The following MYCT1 variants were observed in gnomAD, a reference collection of about 807,000 sequenced individuals.
The protein encoded by MYCT1 is MYC target 1, also known as myc target protein 1.
A neutral mutation model predicts 15.0 loss-of-function variants in MYCT1; 12 were observed. The ratio of observed to expected loss-of-function variants is 0.80; its 90% confidence interval spans 0.51 to 1.29. The LOEUF is 1.29. Among genes scored for constraint, MYCT1 ranks in the 50% most tolerant of loss-of-function variants. The pLI, the probability that MYCT1 is intolerant of heterozygous loss-of-function variation, is 0.00. For synonymous variants in MYCT1, 104 were observed against 102.7 expected (o/e 1.01, Z -0.07); for missense variants, 287 against 279.1 (o/e 1.03, Z -0.20).
chr6:152,739,305 T>C, the MYCT1 span, among the ~76,000 whole-genome samples: 1 of 151,816 alleles, frequency 6.6e-6, no homozygotes, highest in African/African-American at 2.4e-5. Flanking sequence ...TAGTATACCT[T>C]TTCACAATTA....
chr6:152,706,236 G>C (rs1209391075), intron 1 of MYCT1: 2 of 730,408 alleles, frequency 2.7e-6, no homozygotes, highest in African/African-American at 3.5e-5. Context: ...TGAAGGAAAG[G>C]CTGGCTGATG....
the MYCT1 span, among the ~76,000 whole-genome samples, chr6:152,736,067 TA>T: frequency 2.6e-5 from 4 of 152,108 alleles, no homozygotes; most frequent in Admixed American, 1.3e-4. Context: ...AGGTTAGTGC[TA>T]AAAACCAGAG....
chr6:152,731,152 A>G, the MYCT1 span, among the ~76,000 whole-genome samples: 1 of 152,292 alleles, frequency 6.6e-6, no homozygotes, highest in South Asian at 2.1e-4. Flanking sequence ...AATCTTGCCT[A>G]AAGTGAAGTG....
intron 1 of MYCT1, among the ~76,000 whole-genome samples, chr6:152,720,802 C>T (rs976649154): frequency 7.9e-5 from 12 of 151,998 alleles, no homozygotes; most frequent in African/African-American, 2.9e-4. Flanking sequence ...ATGTGGGGGA[C>T]CAACAGGCTG....
At chr6:152,733,184 A>G in the MYCT1 span, among the ~76,000 whole-genome samples, 1 of 151,052 alleles carries the variant, frequency 6.6e-6, no homozygotes, top group African/African-American at 2.4e-5. Context: ...GTGCACTGCA[A>G]CCTTCACCTC....
downstream of MYCT1, among the ~76,000 whole-genome samples, chr6:152,728,330 T>C (rs956648): frequency 0.53 from 80,009 of 151,886 alleles, 23,985 homozygotes; most frequent in Non-Finnish European, 0.66. Flanking sequence ...AAATGGTCAA[T>C]GAGAATCTGA....
intron 1 of MYCT1, among the ~76,000 whole-genome samples, chr6:152,701,618 G>A (rs532652547): frequency 6.6e-6 from 1 of 150,940 alleles, no homozygotes; most frequent in Non-Finnish European, 1.5e-5. Flanking sequence ...GTATTGGAGA[G>A]GGGGGACCTT....
At chr6:152,706,018 C>T (rs952143852) in intron 1 of MYCT1, 16 of 950,284 alleles carry the variant, frequency 1.7e-5, no homozygotes, top group South Asian at 6.4e-5. Flanking sequence ...GTGGCCTCTC[C>T]ATTAACTACA....
chr6:152,730,106 G>T, the MYCT1 span, among the ~76,000 whole-genome samples: 2 of 152,064 alleles, frequency 1.3e-5, no homozygotes, highest in Non-Finnish European at 2.9e-5. Flanking sequence ...CTTTTTCTTG[G>T]ATTTCAAGAT....
At chr6:152,703,940 TTTTTATTTTA>T (rs200449869) in intron 1 of MYCT1, among the ~76,000 whole-genome samples, 6,920 of 122,900 alleles carry the variant, frequency 0.056, 369 homozygotes, top group East Asian at 0.22. Flanking sequence ...TTTTCCCTGT[TTTTTATTTTA>T]TTTTATTTTA....
chr6:152,698,554 T>G (rs1035269034), intron 1 of MYCT1, among the ~76,000 whole-genome samples: 3 of 152,170 alleles, frequency 2.0e-5, no homozygotes, highest in African/African-American at 7.2e-5. Flanking sequence ...CTATTTTCAC[T>G]TATGTTGTGA....
the MYCT1 span, among the ~76,000 whole-genome samples, chr6:152,734,332 C>T: frequency 2.0e-5 from 3 of 152,156 alleles, no homozygotes; most frequent in Admixed American, 6.5e-5. Flanking sequence ...CTTCATGAAA[C>T]TTATTTCTGG....
the MYCT1 span, among the ~76,000 whole-genome samples, chr6:152,744,575 G>A: frequency 1.3e-5 from 2 of 152,208 alleles, no homozygotes; most frequent in African/African-American, 4.8e-5. Flanking sequence ...GGCCCCTCTA[G>A]GGCTGCAGGA....
At chr6:152,727,613 G>A (rs1181534615), downstream of MYCT1, among the ~76,000 whole-genome samples, 1 of 152,194 alleles carries the variant, frequency 6.6e-6, no homozygotes, top group African/African-American at 2.4e-5. Flanking sequence ...GGCCATGCAA[G>A]TGCACTAGCA....
intron 1 of MYCT1, chr6:152,705,907 T>G (rs1410975171): frequency 2.2e-5 from 17 of 756,276 alleles, no homozygotes; most frequent in Non-Finnish European, 4.2e-5. Flanking sequence ...TCCTCAGAAG[T>G]TGGTTACGAT....
At chr6:152,734,274 A>G in the MYCT1 span, among the ~76,000 whole-genome samples, 42 of 152,168 alleles carry the variant, frequency 2.8e-4, no homozygotes, top group African/African-American at 9.9e-4. Context: ...CAGGAACTAT[A>G]TTATTCTAAG....
chr6:152,731,206 G>A, the MYCT1 span, among the ~76,000 whole-genome samples: 71 of 134,484 alleles, frequency 5.3e-4, 1 homozygote, highest in East Asian at 0.015. Flanking sequence ...AAGTATGTTA[G>A]TGTGTACCTA....
At chr6:152,726,652 G>A (rs189708940), downstream of MYCT1, among the ~76,000 whole-genome samples, 377 of 151,730 alleles carry the variant, frequency 2.5e-3, 3 homozygotes, top group African/African-American at 8.4e-3. Context: ...TATTTTTTTC[G>A]TTCCCTTTCA....
intron 1 of MYCT1, among the ~76,000 whole-genome samples, chr6:152,705,436 T>A (rs1376599348): frequency 6.6e-6 from 1 of 152,128 alleles, no homozygotes; most frequent in East Asian, 1.9e-4. Context: ...AATCTAACCA[T>A]GGTAAGTTAG....
Sources: allele counts gnomAD v4.1 joint callset (sites outside exome capture counted in the v4.1 genomes callset), GRCh38; gene constraint gnomAD v4.1.1; transcripts MANE v1.5; gene names NCBI Gene and HGNC (gene_info 2026-07-23, HGNC 2026-07-21).